The following LRBA variants were observed in gnomAD, a reference collection of about 807,000 sequenced individuals.
The protein encoded by LRBA is LPS responsive beige-like anchor protein, also known as lipopolysaccharide-responsive and beige-like anchor protein.
A neutral mutation model predicts 330.0 loss-of-function variants in LRBA; 176 were observed. The ratio of observed to expected loss-of-function variants is 0.53; its 90% CI spans 0.47 to 0.60. LRBA has a LOEUF of 0.60. Ranked by LOEUF, LRBA falls within the 20% of genes least tolerant of loss-of-function variation. LRBA has a pLI of 0.00. For synonymous variants in LRBA, 1,230 were observed against 1,193.0 expected (o/e 1.03, Z -0.64); for missense variants, 3,259 against 3,444.8 (o/e 0.95, Z 1.35).
intron 40 of LRBA, among the ~76,000 whole-genome samples, chr4:150,563,593 TGTCTC>T (rs1768679755): frequency 6.6e-6 from 1 of 152,190 alleles, no homozygotes; most frequent in Non-Finnish European, 1.5e-5. Context: ...AAAGTCAAAT[TGTCTC>T]TGTTTGCAGA....
rs111342850 is a variant in LRBA, at chr4:150,354,635, A to G, written c.7195-4476T>C. 9.7e-3 allele frequency among the ~76,000 whole-genome samples: 1,481 copies of G among 152,268 alleles called. 20 individuals are homozygous for G. The highest frequency in any genetic ancestry group is 0.034 in the African/African-American group (1,408 of 41,572). On this transcript the variant is annotated intron_variant, in intron 47 of 56. Transcript: ENST00000651943. ...TTAAGGATCAGATAAGACTATGAAAAGACTATCATATGAAGCCTCACACGA... is the reference window on the plus strand; with the variant it reads ...TTAAGGATCAGATAAGACTATGAAAGGACTATCATATGAAGCCTCACACGA...
chr4:150,581,283 T>C (rs1453218478), intron 40 of LRBA: 5 of 433,270 alleles, frequency 1.2e-5, no homozygotes, highest in African/African-American at 1.0e-4. Context: ...AAACAGCATA[T>C]CGAAATTACT....
intron 41 of LRBA, among the ~76,000 whole-genome samples, chr4:150,489,071 TTA>T (rs1180169159): frequency 1.1e-5 from 1 of 94,388 alleles, no homozygotes; most frequent in South Asian, 2.8e-4. Flanking sequence ...ATATAATATA[TTA>T]TATATAATAT....
intron 36 of LRBA, among the ~76,000 whole-genome samples, chr4:150,692,089 A>G (rs889320375): frequency 1.3e-5 from 2 of 152,178 alleles, no homozygotes; most frequent in African/African-American, 2.4e-5. Flanking sequence ...AAAATTTCCT[A>G]TATCTTTATT....
chr4:150,525,037 A>C (rs1458921302), intron 40 of LRBA, among the ~76,000 whole-genome samples: 2 of 152,148 alleles, frequency 1.3e-5, no homozygotes, highest in Admixed American at 1.3e-4. Context: ...GAACTCTTTA[A>C]TCAATTGTCC....
At chr4:150,349,939 T>C in intron 48 of LRBA, 53 bp downstream of exon 48, 2 of 1,521,754 alleles carry the variant, frequency 1.3e-6, no homozygotes. Context: ...TCTAGCTCCT[T>C]CTAGTTTAAA....
At chr4:150,706,413 T>C (rs1436475078) in intron 36 of LRBA, among the ~76,000 whole-genome samples, 1 of 151,710 alleles carries the variant, frequency 6.6e-6, no homozygotes. Flanking sequence ...ATAAAATAAA[T>C]TGAATTAATA....
At chr4:150,926,978 G>A (rs13126862) in intron 4 of LRBA, among the ~76,000 whole-genome samples, 106,263 of 151,386 alleles carry the variant, frequency 0.7, 43,160 homozygotes, top group Non-Finnish European at 0.91. Flanking sequence ...GGCTGAGGTA[G>A]GAGAATTGCT....
intron 37 of LRBA, among the ~76,000 whole-genome samples, chr4:150,678,973 A>G (rs889188410): frequency 6.6e-6 from 1 of 152,110 alleles, no homozygotes; most frequent in African/African-American, 2.4e-5. Flanking sequence ...TTCACTACAA[A>G]TTCATTGATA....
intron 17 of LRBA, among the ~76,000 whole-genome samples, chr4:150,883,580 T>A (rs1729672790): frequency 6.6e-6 from 1 of 152,226 alleles, no homozygotes; most frequent in South Asian, 2.1e-4. Context: ...CCACCATCTC[T>A]CTTTTTAAAT....
intron 51 of LRBA, among the ~76,000 whole-genome samples, chr4:150,314,353 C>A (rs1036485132): frequency 6.6e-6 from 1 of 151,908 alleles, no homozygotes; most frequent in Non-Finnish European, 1.5e-5. Context: ...GGTATTTATC[C>A]TTCATGTAGA....
chr4:150,468,302 A>G (rs1451204512), intron 43 of LRBA, among the ~76,000 whole-genome samples: 1 of 152,044 alleles, frequency 6.6e-6, no homozygotes, highest in Non-Finnish European at 1.5e-5. Context: ...ATTGCACTAA[A>G]TAATTCTGAA....
At chr4:150,988,551 T>C (rs929034491) in intron 2 of LRBA, among the ~76,000 whole-genome samples, 2 of 152,174 alleles carry the variant, frequency 1.3e-5, no homozygotes, top group African/African-American at 4.8e-5. Context: ...CTTTTGTGTA[T>C]GTCTAAAATT....
At chr4:150,460,752 A>G (rs1053581321) in intron 44 of LRBA, among the ~76,000 whole-genome samples, 1 of 151,798 alleles carries the variant, frequency 6.6e-6, no homozygotes, top group African/African-American at 2.4e-5. Context: ...GTTACAATCT[A>G]AAGATGAAAA....
At chr4:150,417,226 T>C (rs1747898609) in intron 46 of LRBA, among the ~76,000 whole-genome samples, 1 of 152,128 alleles carries the variant, frequency 6.6e-6, no homozygotes, top group Admixed American at 6.6e-5. Context: ...TATATATTTA[T>C]CTCTCTCTAT....
At position 150,387,882 on chromosome 4, in the gene LRBA, G is replaced by A. The variant is rs75294085; in HGVS notation, c.7194+27556C>T. 8.5e-3 allele frequency among the ~76,000 whole-genome samples: 1,298 copies of A among 152,266 alleles called. 16 individuals are homozygous for A. The highest frequency in any genetic ancestry group is 0.03 in the African/African-American group (1,235 of 41,536). On this transcript the variant is annotated intron_variant, in intron 47 of 56. Transcript: ENST00000651943. ...AATTAAGATTTGACAGCTATTACAG[G>A]TAGAGTATAGAAGGGATAGAAGGTA...
At chr4:150,746,589 C>G (rs1415440883) in intron 35 of LRBA, among the ~76,000 whole-genome samples, 1 of 150,706 alleles carries the variant, frequency 6.6e-6, no homozygotes, top group African/African-American at 2.4e-5. Flanking sequence ...CGGTTCACTG[C>G]AATGTCCGTC....
chr4:150,541,535 C>A (rs911309673), intron 40 of LRBA, among the ~76,000 whole-genome samples: 2 of 151,882 alleles, frequency 1.3e-5, no homozygotes, highest in Non-Finnish European at 2.9e-5. Flanking sequence ...TGAAAAAACA[C>A]CTAAGGAAGG....
intron 35 of LRBA, among the ~76,000 whole-genome samples, chr4:150,747,678 T>C (rs1439580431): frequency 6.6e-6 from 1 of 152,214 alleles, no homozygotes; most frequent in African/African-American, 2.4e-5. Flanking sequence ...TTTGCAATAA[T>C]ACATAGCACT....
Sources: allele counts gnomAD v4.1 joint callset (sites outside exome capture counted in the v4.1 genomes callset), GRCh38; gene constraint gnomAD v4.1.1; transcripts MANE v1.5; gene names NCBI Gene and HGNC (gene_info 2026-07-23, HGNC 2026-07-21).